The following DACH1 variants were observed in gnomAD, a reference collection of about 807,000 sequenced individuals.
DACH1 encodes dachshund family transcription factor 1.
Under a neutral mutation model 54.2 loss-of-function variants are expected in DACH1, and 12 were observed. That is an observed-to-expected ratio of 0.22 (90% CI 0.14 to 0.36). DACH1 has a LOEUF of 0.36. Ranked by LOEUF, DACH1 falls within the 10% of genes least tolerant of loss-of-function variation. The pLI is 1.00. For missense variants in DACH1, 805 were observed against 929.8 expected, an observed-to-expected ratio of 0.87 and a Z score of 1.75; for synonymous variants, 386 against 366.2, an observed-to-expected ratio of 1.05 and a Z score of -0.62.
chr13:71,735,157 A>G (rs1276669845), intron 1 of DACH1, among the ~76,000 whole-genome samples: 1 of 150,224 alleles, frequency 6.7e-6, no homozygotes, highest in Non-Finnish European at 1.5e-5. Context: ...TGGTTTATAC[A>G]TGTATATGGG....
chr13:71,669,042 A>C (rs764552172), intron 2 of DACH1, among the ~76,000 whole-genome samples: 1 of 152,218 alleles, frequency 6.6e-6, no homozygotes, highest in Non-Finnish European at 1.5e-5. Flanking sequence ...GAGATAAATA[A>C]CTGGTATTCC....
chr13:71,782,050 T>C (rs1482311434), intron 1 of DACH1, among the ~76,000 whole-genome samples: 1 of 152,174 alleles, frequency 6.6e-6, no homozygotes, highest in Admixed American at 6.5e-5. Context: ...TATCTCATCA[T>C]CCTACAGACC....
chr13:71,507,367 A>G (rs556338413), intron 6 of DACH1, among the ~76,000 whole-genome samples: 15 of 152,300 alleles, frequency 9.8e-5, no homozygotes, highest in Non-Finnish European at 1.5e-4. Flanking sequence ...TCCTATAACA[A>G]TAACTTCAAA....
chr13:71,525,330 G>A (rs1237719729), intron 6 of DACH1, among the ~76,000 whole-genome samples: 1 of 152,010 alleles, frequency 6.6e-6, no homozygotes, highest in Non-Finnish European at 1.5e-5. Flanking sequence ...GCCTGTGGGT[G>A]GAGAGAATCA....
At position 71,781,528 on chromosome 13, in the gene DACH1, G is replaced by A. The variant is rs1566496768; in HGVS notation, c.848+84394C>T. ...CAAGTAGCTGAGACTACAGGCACCCGCCAAAGCGCCCGGCTAATTTTTTCT... is the reference window on the plus strand; with the variant it reads ...CAAGTAGCTGAGACTACAGGCACCCACCAAAGCGCCCGGCTAATTTTTTCT... On this transcript the variant is annotated intron_variant, in intron 1 of 10. Coordinates refer to ENST00000613252, the MANE Select transcript of DACH1 (RefSeq NM_080759.6). 3.3e-5 allele frequency among the ~76,000 whole-genome samples: 5 copies of A among 151,788 alleles called. No individual in the cohort carries two copies. The East Asian group carries it at 7.8e-4, about 24-fold the overall frequency.
intron 3 of DACH1, among the ~76,000 whole-genome samples, chr13:71,585,513 A>C (rs1873180163): frequency 6.6e-6 from 1 of 152,148 alleles, no homozygotes; most frequent in African/African-American, 2.4e-5. Flanking sequence ...TGTCCTCTCC[A>C]CGGCACAACA....
chr13:71,809,211 G>A (rs578232448), intron 1 of DACH1, among the ~76,000 whole-genome samples: 8 of 152,248 alleles, frequency 5.3e-5, no homozygotes, highest in African/African-American at 1.9e-4. Context: ...TAAAGACAGG[G>A]TCTCGCTCTG....
chr13:71,805,758 C>T (rs765395191), intron 1 of DACH1, among the ~76,000 whole-genome samples: 12 of 152,086 alleles, frequency 7.9e-5, no homozygotes, highest in Non-Finnish European at 1.5e-4. Context: ...ATACAAAGCA[C>T]AGCTTTTATA....
chr13:71,819,230 A>T (rs374632391), intron 1 of DACH1, among the ~76,000 whole-genome samples: 61 of 152,264 alleles, frequency 4.0e-4, no homozygotes, highest in African/African-American at 1.4e-3. Context: ...GAAGGAAGAG[A>T]ATTAAATGTC....
chr13:71,466,668 C>T (rs9542706), intron 10 of DACH1, among the ~76,000 whole-genome samples: 130,471 of 151,906 alleles, frequency 0.86, 58,974 homozygotes, highest in Non-Finnish European at 0.99. Context: ...CATGGCAAAA[C>T]CCTGTGTCTA....
chr13:71,545,618 G>A (rs1020558111), intron 6 of DACH1, among the ~76,000 whole-genome samples: 1 of 151,580 alleles, frequency 6.6e-6, no homozygotes, highest in African/African-American at 2.4e-5. Context: ...GGATGAACCT[G>A]TGAAACATTC....
At chr13:71,484,872 G>C (rs546589696) in intron 7 of DACH1, among the ~76,000 whole-genome samples, 2 of 152,082 alleles carry the variant, frequency 1.3e-5, no homozygotes, top group South Asian at 4.2e-4. Flanking sequence ...GACAAGTCTG[G>C]CCAACATGGT....
chr13:71,637,787 C>T (rs1375045246), intron 2 of DACH1, among the ~76,000 whole-genome samples: 1 of 152,104 alleles, frequency 6.6e-6, no homozygotes, highest in Non-Finnish European at 1.5e-5. Flanking sequence ...AAACTATCTC[C>T]ATTTTATTTA....
chr13:71,471,574 C>T (rs1877080121), intron 10 of DACH1, among the ~76,000 whole-genome samples: 2 of 151,880 alleles, frequency 1.3e-5, no homozygotes, highest in South Asian at 2.1e-4. Context: ...GCCTGGTCAA[C>T]ATAGTGAAAC....
intron 6 of DACH1, among the ~76,000 whole-genome samples, chr13:71,552,836 TATATATAGAGAGAGAG>T (rs1327557355): frequency 5.9e-4 from 16 of 27,170 alleles, no homozygotes; most frequent in African/African-American, 1.9e-3. Flanking sequence ...TATATATATA[TATATATAGAGAGAGAG>T]AGAGAGAGAG....
At chr13:71,720,606 G>A (rs969727877) in intron 1 of DACH1, among the ~76,000 whole-genome samples, 16 of 151,978 alleles carry the variant, frequency 1.1e-4, no homozygotes, top group African/African-American at 3.1e-4. Flanking sequence ...GAATACTATC[G>A]GTATTTTAAT....
chr13:71,461,960 T>C (rs1876113310), intron 10 of DACH1, among the ~76,000 whole-genome samples: 1 of 151,918 alleles, frequency 6.6e-6, no homozygotes, highest in South Asian at 2.1e-4. Context: ...AACCAGGGTA[T>C]GAAATCAAAG....
At chr13:71,794,107 C>T (rs1886945201) in intron 1 of DACH1, among the ~76,000 whole-genome samples, 1 of 152,090 alleles carries the variant, frequency 6.6e-6, no homozygotes, top group Non-Finnish European at 1.5e-5. Context: ...TTTCCAAGGT[C>T]TGAGAATCAG....
chr13:71,465,235 T>C (rs929846286), intron 10 of DACH1, among the ~76,000 whole-genome samples: 16 of 152,120 alleles, frequency 1.1e-4, no homozygotes, highest in Non-Finnish European at 4.4e-5. Context: ...TAACACACTT[T>C]CCATAACCAT....
Sources: allele counts gnomAD v4.1 joint callset (sites outside exome capture counted in the v4.1 genomes callset), GRCh38; gene constraint gnomAD v4.1.1; transcripts MANE v1.5; gene names NCBI Gene and HGNC (gene_info 2026-07-23, HGNC 2026-07-21).